Variants in NFIB observed in about 807,000 individuals in gnomAD.
NFIB encodes nuclear factor I B.
In NFIB, 11 loss-of-function variants were observed where a neutral mutation model predicts 61.5. The observed-to-expected ratio is 0.18, with a 90% CI of 0.11 to 0.30. The LOEUF (loss-of-function observed/expected upper bound fraction) is 0.30. Among genes scored for constraint, NFIB ranks in the 10% least tolerant of loss-of-function variants. The probability of loss-of-function intolerance (pLI) is 1.00; values close to 1 mark genes in which losing one functional copy is unlikely to be tolerated. For missense variants in NFIB, 471 were observed against 608.9 expected, an observed-to-expected ratio of 0.77 and a Z score of 2.38; for synonymous variants, 260 against 216.5, an observed-to-expected ratio of 1.20 and a Z score of -1.76.
chr9:14,176,269 A>C (rs1213167466), intron 3 of NFIB, among the ~76,000 whole-genome samples: 1 of 151,804 alleles, frequency 6.6e-6, no homozygotes, highest in Non-Finnish European at 1.5e-5. Flanking sequence ...AAAAAAAAAA[A>C]AAAAAACAAA....
chr9:14,454,619 C>A, the NFIB span, among the ~76,000 whole-genome samples: 1 of 152,180 alleles, frequency 6.6e-6, no homozygotes, highest in Non-Finnish European at 1.5e-5. Context: ...CTAATGTTTG[C>A]ATTTTCTGCT....
At chr9:14,193,981 A>T (rs2048223864) in intron 2 of NFIB, among the ~76,000 whole-genome samples, 1 of 151,960 alleles carries the variant, frequency 6.6e-6, no homozygotes, top group Non-Finnish European at 1.5e-5. Flanking sequence ...CCCACCCCCA[A>T]GATTTATTTT....
At chr9:14,158,565 G>A (rs181114883) in intron 3 of NFIB, among the ~76,000 whole-genome samples, 126 of 152,186 alleles carry the variant, frequency 8.3e-4, no homozygotes, top group Admixed American at 1.8e-3. Context: ...TGACTAACTC[G>A]TTGCCTATAT....
chr9:14,478,252 G>T, the NFIB span, among the ~76,000 whole-genome samples: 2 of 152,134 alleles, frequency 1.3e-5, no homozygotes, highest in African/African-American at 4.8e-5. Context: ...ACTCATTAAC[G>T]ACTTCACTTC....
chr9:14,314,005 G>C lies in NFIB; in HGVS notation c.-494C>G. The C allele has an allele frequency of 1.9e-6, 2 of 1,067,368 alleles. No homozygotes were observed. The highest frequency in any genetic ancestry group is 2.3e-6 in the Non-Finnish European group (2 of 882,030). 66.1% of individuals were successfully genotyped at this position (1,067,368 alleles called of 1,614,324 possible). A position where few individuals can be genotyped will look rare whatever the true frequency, so the allele number is the denominator to read the frequency against. On this transcript the variant is annotated 5_prime_UTR_variant, in exon 1 of 11. Coordinates refer to ENST00000380953, the MANE Select transcript of NFIB (RefSeq NM_001190737.2). ...GCGGGCGGGCGGGAGGGAGAGCGGGGAGAATGTGTCACCGCGCTGGGAAAG... is the reference window on the plus strand; with the variant it reads ...GCGGGCGGGCGGGAGGGAGAGCGGGCAGAATGTGTCACCGCGCTGGGAAAG...
At chr9:14,531,785 T>G in the NFIB span, 7 of 152,098 alleles carry the variant, frequency 4.6e-5, no homozygotes, top group African/African-American at 1.2e-4. Flanking sequence ...TCTAGCACAC[T>G]GGTGTGCAGA....
chr9:14,302,892 G>A (rs953105996), intron 2 of NFIB, among the ~76,000 whole-genome samples: 11 of 152,082 alleles, frequency 7.2e-5, no homozygotes, highest in Non-Finnish European at 1.5e-4. Flanking sequence ...ACGAGATAAC[G>A]GTGGTTAACT....
chr9:14,396,694 A>G (rs2061690825), intron 1 of NFIB, among the ~76,000 whole-genome samples: 1 of 152,320 alleles, frequency 6.6e-6, no homozygotes, highest in African/African-American at 2.4e-5. Context: ...GAAAGGAGAA[A>G]TTGCTCATTT....
intron 1 of NFIB, among the ~76,000 whole-genome samples, chr9:14,345,280 G>C (rs555828006): frequency 4.3e-4 from 66 of 152,214 alleles, no homozygotes; most frequent in African/African-American, 1.5e-3. Context: ...ATTTAAATAG[G>C]TTCTAGTGCA....
intron 2 of NFIB, among the ~76,000 whole-genome samples, chr9:14,185,647 C>G (rs1446483685): frequency 1.3e-5 from 2 of 152,074 alleles, no homozygotes; most frequent in Non-Finnish European, 2.9e-5. Flanking sequence ...GTCAAATGAA[C>G]AGAAAACCAT....
At chr9:14,335,463 T>C (rs926419457) in intron 1 of NFIB, among the ~76,000 whole-genome samples, 1 of 152,242 alleles carries the variant, frequency 6.6e-6, no homozygotes, top group Non-Finnish European at 1.5e-5. Flanking sequence ...TCTCTTTATG[T>C]GCTTACTTGC....
At position 14,182,893 on chromosome 9, in the gene NFIB, T is replaced by C. The variant is rs2046963937; in HGVS notation, c.563-3113A>G. ...TAATATTATCTACCTTGTAAAATCATTGCAAGATTCTATCACATTAAGCAC... is the reference window on the plus strand; with the variant it reads ...TAATATTATCTACCTTGTAAAATCACTGCAAGATTCTATCACATTAAGCAC... On this transcript the variant is annotated intron_variant, in intron 2 of 10. Coordinates refer to ENST00000380953, the MANE Select transcript of NFIB (RefSeq NM_001190737.2). Among the ~76,000 whole-genome samples the C allele has an allele frequency of 3.3e-5, 5 of 152,014 alleles. 1 individual carries two copies. The South Asian group carries it at 6.2e-4, about 19-fold the overall frequency.
chr9:14,231,785 G>C (rs1301816249), intron 2 of NFIB, among the ~76,000 whole-genome samples: 2 of 152,124 alleles, frequency 1.3e-5, no homozygotes, highest in African/African-American at 4.8e-5. Flanking sequence ...AATCCTCCTT[G>C]CATAAAAAGA....
chr9:14,265,674 C>A (rs906191236), intron 2 of NFIB, among the ~76,000 whole-genome samples: 1 of 152,226 alleles, frequency 6.6e-6, no homozygotes, highest in African/African-American at 2.4e-5. Flanking sequence ...ATCCCTCTCT[C>A]TGAGACAGCA....
chr9:14,494,065 C>T, the NFIB span, among the ~76,000 whole-genome samples: 14 of 152,066 alleles, frequency 9.2e-5, no homozygotes, highest in Non-Finnish European at 1.3e-4. Context: ...TATTCTTAGG[C>T]GAGGGGGTTT....
chr9:14,183,396 G>A (rs1007433257), intron 2 of NFIB, among the ~76,000 whole-genome samples: 1 of 149,622 alleles, frequency 6.7e-6, no homozygotes, highest in Admixed American at 6.6e-5. Context: ...CTGGTGTCTG[G>A]GAAAAAAAAT....
At position 14,102,320 on chromosome 9, in the gene NFIB, A is replaced by C. The variant is rs1190234132; in HGVS notation, c.1467+10679T>G. 24 of 1,031,846 alleles carry C rather than the reference A, an allele frequency of 2.3e-5. No homozygotes were observed. The Middle Eastern group carries it at 6.7e-4, about 29-fold the overall frequency. 63.9% of individuals were successfully genotyped at this position (1,031,846 alleles called of 1,614,324 possible). A position where few individuals can be genotyped will look rare whatever the true frequency, so the allele number is the denominator to read the frequency against. On this transcript the variant is annotated intron_variant, in intron 10 of 10. Coordinates refer to ENST00000380953, the MANE Select transcript of NFIB (RefSeq NM_001190737.2). ...AAGAATGGCATAGCCAAAACAACTA[A>C]ATTTTTAACATATATTTTCTGTAAA...
At chr9:14,406,459 C>T in the NFIB span, among the ~76,000 whole-genome samples, 2 of 152,182 alleles carry the variant, frequency 1.3e-5, no homozygotes, top group Non-Finnish European at 2.9e-5. Flanking sequence ...GATGGCATCC[C>T]TAGAGAATCT....
At chr9:14,224,163 G>A (rs1023803214) in intron 2 of NFIB, among the ~76,000 whole-genome samples, 5 of 152,312 alleles carry the variant, frequency 3.3e-5, no homozygotes, top group Admixed American at 6.5e-5. Flanking sequence ...TGACCCAGAA[G>A]GCCATATTCA....
Sources: allele counts gnomAD v4.1 joint callset (sites outside exome capture counted in the v4.1 genomes callset), GRCh38; gene constraint gnomAD v4.1.1; transcripts MANE v1.5; gene names NCBI Gene and HGNC (gene_info 2026-07-23, HGNC 2026-07-21).